SPTLC3: variants seen among roughly 807,000 people sequenced by gnomAD.
SPTLC3 encodes the protein serine palmitoyltransferase 3.
In SPTLC3, 36 loss-of-function variants were observed where a neutral mutation model predicts 59.3. That is an observed-to-expected ratio of 0.61 (90% confidence interval 0.47 to 0.80). The LOEUF (loss-of-function observed/expected upper bound fraction) is 0.80, where lower values mean the gene tolerates loss of function less well. Ranked by LOEUF, SPTLC3 falls within the 30% of genes least tolerant of loss-of-function variation. The pLI is 0.00. For missense variants in SPTLC3, 625 were observed against 685.1 expected, an observed-to-expected ratio of 0.91 and a Z score of 0.98; for synonymous variants, 257 against 240.8, an observed-to-expected ratio of 1.07 and a Z score of -0.62.
chr20:13,058,578 G>T (rs576908978), intron 2 of SPTLC3, among the ~76,000 whole-genome samples: 3 of 152,164 alleles, frequency 2.0e-5, no homozygotes, highest in Non-Finnish European at 4.4e-5. Flanking sequence ...GTAGTGGGGG[G>T]TGAGGCAGAG....
intron 9 of SPTLC3, among the ~76,000 whole-genome samples, chr20:13,140,628 C>T (rs1181945381): frequency 6.6e-6 from 1 of 151,042 alleles, no homozygotes; most frequent in Non-Finnish European, 1.5e-5. Context: ...ATTCATTCTA[C>T]AGCATATCTA....
chr20:13,057,577 T>C (rs2122524931), intron 2 of SPTLC3, among the ~76,000 whole-genome samples: 1 of 152,336 alleles, frequency 6.6e-6, no homozygotes, highest in South Asian at 2.1e-4. Flanking sequence ...AAGGCTCTGA[T>C]CATCCTCTTT....
intron 11 of SPTLC3, among the ~76,000 whole-genome samples, chr20:13,161,155 T>C (rs2038887666): frequency 6.6e-6 from 1 of 152,116 alleles, no homozygotes; most frequent in South Asian, 2.1e-4. Flanking sequence ...TGACAAATGA[T>C]TGGATGTGGT....
rs1024186679 is a variant in SPTLC3, at chr20:13,165,128, G to T, written c.*261G>T. On this transcript the variant is annotated 3_prime_UTR_variant, in exon 12 of 12. Coordinates refer to ENST00000399002, the MANE Select transcript of SPTLC3 (RefSeq NM_018327.4). Reference sequence around the variant, plus strand: ...CACACACACACACACACACTTCTGAGAATATTTTTAATGGCAATAAGCCTG... The same window carrying T: ...CACACACACACACACACACTTCTGATAATATTTTTAATGGCAATAAGCCTG... 8.3e-6 allele frequency: 3 copies of T among 361,194 alleles called. No individual in the cohort carries two copies. The highest frequency in any genetic ancestry group is 8.8e-5 in the Admixed American group (2 of 22,802). The allele number at this position is 361,194 out of a possible 1,614,324, so 22.4% of individuals were successfully genotyped here.
At chr20:13,127,650 T>C (rs1260296432) in intron 9 of SPTLC3, among the ~76,000 whole-genome samples, 1 of 152,240 alleles carries the variant, frequency 6.6e-6, no homozygotes, top group East Asian at 1.9e-4. Flanking sequence ...GTTAAAGTAG[T>C]GTCTTCACTT....
At chr20:13,070,220 G>A (rs976973337) in intron 2 of SPTLC3, among the ~76,000 whole-genome samples, 6 of 152,116 alleles carry the variant, frequency 3.9e-5, no homozygotes, top group African/African-American at 1.4e-4. Flanking sequence ...TAAAGAAAAT[G>A]CATTCAAGGT....
chr20:13,164,493 T>C (rs1180663316), intron 11 of SPTLC3: 2 of 539,428 alleles, frequency 3.7e-6, no homozygotes, highest in Non-Finnish European at 7.0e-6. Flanking sequence ...ATGTTTTTAT[T>C]CTTCTCTTCA....
rs150352573 is a variant in SPTLC3, at chr20:13,065,078, A to G, written c.304-7178A>G. 1.1e-3 allele frequency among the ~76,000 whole-genome samples: 161 copies of G among 152,214 alleles called. 1 individual carries two copies. Among genetic ancestry groups the G allele is most frequent in the African/African-American group, 3.8e-3 (156 of 41,546 alleles). On this transcript the variant is annotated intron_variant, in intron 2 of 11. Transcript: ENST00000399002. ...CCTTCACAGTGTCTCAGATAGTTGC[A>G]TTGGAATTTCTTGGAATTTTTCATG...
At chr20:13,078,952 A>G (rs7347994) in intron 4 of SPTLC3, among the ~76,000 whole-genome samples, 1 of 152,204 alleles carries the variant, frequency 6.6e-6, no homozygotes, top group Admixed American at 6.5e-5. Flanking sequence ...TTTTTAATTC[A>G]TACAGTAAAG....
intron 1 of SPTLC3, among the ~76,000 whole-genome samples, chr20:13,038,342 AT>A (rs1279288826): frequency 2.6e-5 from 4 of 152,272 alleles, no homozygotes; most frequent in African/African-American, 2.4e-5. Context: ...GAAGTTTCAA[AT>A]TATTAATTCA....
intron 1 of SPTLC3, among the ~76,000 whole-genome samples, chr20:13,015,326 A>G (rs1374934540): frequency 6.6e-6 from 1 of 152,232 alleles, no homozygotes; most frequent in African/African-American, 2.4e-5. Context: ...AAAACTTAAT[A>G]TGGCAAGAAG....
At chr20:13,083,663 T>C (rs906593115) in intron 4 of SPTLC3, among the ~76,000 whole-genome samples, 16 of 152,026 alleles carry the variant, frequency 1.1e-4, no homozygotes, top group African/African-American at 3.9e-4. Context: ...AACTCGAGAG[T>C]GCAAGAATTA....
chr20:13,110,101 A>G lies in SPTLC3; in HGVS notation c.827-11A>G, dbSNP rs1399185652. The G allele has an allele frequency of 1.3e-6, 2 of 1,573,566 alleles. No individual in the cohort carries two copies. The highest frequency in any genetic ancestry group is 4.5e-5 in the East Asian group (2 of 44,480). On this transcript the variant is annotated splice_polypyrimidine_tract_variant and intron_variant, in intron 6 of 11. Coordinates refer to ENST00000399002, the MANE Select transcript of SPTLC3 (RefSeq NM_018327.4). ...TCATGACTCAATTTTTTTTTTTGGTATTATTTAAAGACACACAAAGCCTAG... is the reference window on the plus strand; with the variant it reads ...TCATGACTCAATTTTTTTTTTTGGTGTTATTTAAAGACACACAAAGCCTAG...
intron 9 of SPTLC3, among the ~76,000 whole-genome samples, chr20:13,128,585 A>G (rs1186459504): frequency 6.6e-6 from 1 of 152,224 alleles, no homozygotes; most frequent in Non-Finnish European, 1.5e-5. Flanking sequence ...AAAACTAGTC[A>G]TATGGCCACA....
chr20:13,109,274 C>G (rs919372196), intron 6 of SPTLC3, among the ~76,000 whole-genome samples: 2 of 152,180 alleles, frequency 1.3e-5, no homozygotes, highest in Non-Finnish European at 2.9e-5. Context: ...TTCTACATCA[C>G]CATTTCATTT....
Position 13,117,667 on chromosome 20 carries a change from T to C in SPTLC3, c.1094T>C (p.Leu365Pro). ...CTAGACCCTCATGAAGTTGATGTGC[T>C]CATGGGCACATTCACCAAAAGTTTT... ...FGLDPHEVDV[L>P]MGTFTKSFGA... Residue 365 changes from leucine (L) to proline (P), a missense_variant, in exon 8 of 12, where the codon CTC becomes CCC. Physicochemically the swap from Leu to Pro is moderately conservative, Grantham distance 98. Transcript: ENST00000399002. The C allele has an allele frequency of 6.2e-7, 1 of 1,613,912 alleles. No homozygotes were observed. The highest frequency in any genetic ancestry group is 8.5e-7 in the Non-Finnish European group (1 of 1,179,906).
At chr20:13,073,182 G>A (rs1253059325) in intron 3 of SPTLC3, among the ~76,000 whole-genome samples, 1 of 150,354 alleles carries the variant, frequency 6.7e-6, no homozygotes, top group Non-Finnish European at 1.5e-5. Context: ...GTACCTGTTA[G>A]TCAATTTCTC....
intron 9 of SPTLC3, among the ~76,000 whole-genome samples, chr20:13,134,729 T>C (rs1013324507): frequency 1.3e-5 from 2 of 151,948 alleles, no homozygotes; most frequent in Non-Finnish European, 2.9e-5. Flanking sequence ...GAGGATGGAA[T>C]TCTGGCAGAT....
intron 10 of SPTLC3, 143 bp downstream of exon 10, chr20:13,154,281 T>A: frequency 9.6e-7 from 1 of 1,045,392 alleles, no homozygotes; most frequent in Non-Finnish European, 1.4e-6. Flanking sequence ...AAGCCACCTG[T>A]CACTCTATCA....
Sources: gnomAD v4.1 joint callset for allele counts (sites outside exome capture counted in the v4.1 genomes callset) on GRCh38, gnomAD v4.1.1 for gene constraint, MANE v1.5 for transcripts, NCBI Gene and HGNC (gene_info 2026-07-23, HGNC 2026-07-21) for gene names.